Variants in NR3C1 observed in about 807,000 individuals in gnomAD.
NR3C1 encodes the protein glucocorticoid receptor.
A neutral mutation model predicts 74.0 loss-of-function variants in NR3C1; 14 were observed. That is an observed-to-expected ratio of 0.19 (90% CI 0.12 to 0.30). NR3C1 has a LOEUF of 0.30. NR3C1 is among the 10% of genes least tolerant of loss of function. The pLI is 1.00. For synonymous variants in NR3C1, 308 were observed against 332.5 expected (o/e 0.93, Z 0.80); for missense variants, 695 against 909.8 (o/e 0.76, Z 3.04).
chr5:143,306,337 C>A (rs538532974), intron 4 of NR3C1, among the ~76,000 whole-genome samples: 1 of 150,954 alleles, frequency 6.6e-6, no homozygotes, highest in South Asian at 2.1e-4. Context: ...CTCTGATGAA[C>A]AAGAGAATAT....
chr5:143,394,410 G>C (rs1465750689), intron 2 of NR3C1, among the ~76,000 whole-genome samples: 1 of 151,856 alleles, frequency 6.6e-6, no homozygotes, highest in East Asian at 1.9e-4. Flanking sequence ...CAATATTCCA[G>C]CAGAAAAATA....
chr5:143,387,051 G>C (rs1473749691), intron 2 of NR3C1, among the ~76,000 whole-genome samples: 1 of 152,212 alleles, frequency 6.6e-6, no homozygotes, highest in African/African-American at 2.4e-5. Context: ...GAAGGGAGAG[G>C]AGAAAACTAG....
intron 2 of NR3C1, among the ~76,000 whole-genome samples, chr5:143,359,387 A>G (rs983428068): frequency 6.6e-6 from 1 of 152,206 alleles, no homozygotes; most frequent in Non-Finnish European, 1.5e-5. Flanking sequence ...AGTGCCTACA[A>G]TGAGTCTCTA....
At chr5:143,333,986 T>C (rs568707287) in intron 2 of NR3C1, among the ~76,000 whole-genome samples, 7 of 152,356 alleles carry the variant, frequency 4.6e-5, no homozygotes, top group Admixed American at 4.6e-4. Flanking sequence ...ATCAGTGAAG[T>C]GGAAGCATGC....
intron 2 of NR3C1, among the ~76,000 whole-genome samples, chr5:143,384,382 C>T (rs1836799251): frequency 6.6e-6 from 1 of 152,162 alleles, no homozygotes; most frequent in Admixed American, 6.6e-5. Context: ...TCAATAGTCC[C>T]CGGAAGTCTT....
At chr5:143,325,335 T>A (rs974195382) in intron 2 of NR3C1, among the ~76,000 whole-genome samples, 3 of 152,142 alleles carry the variant, frequency 2.0e-5, no homozygotes, top group Non-Finnish European at 4.4e-5. Context: ...ACCCATCAGA[T>A]CATGTGAGAC....
intron 2 of NR3C1, among the ~76,000 whole-genome samples, chr5:143,329,217 G>C (rs572760980): frequency 6.6e-6 from 1 of 152,212 alleles, no homozygotes; most frequent in Non-Finnish European, 1.5e-5. Context: ...GGTGGCAGGA[G>C]AGAGAGAAAG....
intron 1 of NR3C1, chr5:143,401,138 A>T (rs2151942926): frequency 4.6e-6 from 2 of 430,432 alleles, no homozygotes; most frequent in East Asian, 9.3e-5. Flanking sequence ...CGCTCACTGA[A>T]CGTGTAGCTT....
At chr5:143,286,033 A>G (rs1010400399) in intron 7 of NR3C1, among the ~76,000 whole-genome samples, 1 of 151,892 alleles carries the variant, frequency 6.6e-6, no homozygotes, top group Admixed American at 6.6e-5. Context: ...AGGGAATAAC[A>G]CTAGAGATAC....
chr5:143,415,919 G>C (rs1271168844), intron 1 of NR3C1, among the ~76,000 whole-genome samples: 1 of 152,190 alleles, frequency 6.6e-6, no homozygotes. Flanking sequence ...TAGAGCAGTA[G>C]TCATGGATGG....
intron 4 of NR3C1, among the ~76,000 whole-genome samples, chr5:143,301,856 G>C (rs1235992057): frequency 1.3e-5 from 2 of 152,038 alleles, no homozygotes; most frequent in African/African-American, 4.8e-5. Context: ...GGACAGATAT[G>C]GTGGTGGGAA....
chr5:143,295,349 A>T (rs1816951556), intron 7 of NR3C1, 111 bp downstream of exon 7: 5 of 1,469,316 alleles, frequency 3.4e-6, no homozygotes, highest in Non-Finnish European at 4.5e-6. Context: ...ACTAGTAGGA[A>T]ATAATAGTAG....
At chr5:143,310,685 GCT>G (rs1187803255) in intron 3 of NR3C1, among the ~76,000 whole-genome samples, 1 of 151,888 alleles carries the variant, frequency 6.6e-6, no homozygotes, top group Non-Finnish European at 1.5e-5. Flanking sequence ...ATGGAGTCTC[GCT>G]CTGTCGCCCA....
chr5:143,291,702 T>C (rs909068478), intron 7 of NR3C1, among the ~76,000 whole-genome samples: 2 of 152,236 alleles, frequency 1.3e-5, no homozygotes, highest in African/African-American at 4.8e-5. Context: ...GGAATTTCCT[T>C]TGACCTATCT....
rs569047125 is a variant in NR3C1 at position 143,374,612 on chromosome 5, C to T, written c.1184+25044G>A. On this transcript the variant is annotated intron_variant, in intron 2 of 8. Transcript: ENST00000394464. ...CTGCCACTATACTTTTAAATGGGGG[C>T]GAGGGCAGGGAGGAGAGACAGTATA... Among the ~76,000 whole-genome samples the T allele has an allele frequency of 3.3e-5, 5 of 151,628 alleles. No individual in the cohort carries two copies. The South Asian group carries it at 6.3e-4, about 19-fold the overall frequency.
At chr5:143,315,289 T>G (rs995802304) in intron 2 of NR3C1, among the ~76,000 whole-genome samples, 1 of 152,198 alleles carries the variant, frequency 6.6e-6, no homozygotes, top group Non-Finnish European at 1.5e-5. Flanking sequence ...TCCTCTTACG[T>G]GCTGACTTTA....
chr5:143,358,135 C>G (rs532819973), intron 2 of NR3C1, among the ~76,000 whole-genome samples: 4 of 152,108 alleles, frequency 2.6e-5, no homozygotes, highest in African/African-American at 9.7e-5. Flanking sequence ...ATTTCTCTTC[C>G]CATCCTCTCT....
chr5:143,295,729 T>C lies in NR3C1; in HGVS notation c.1893-139A>G, dbSNP rs903689382. ...CAATAATATTATTGCTAATTCCCTA[T>C]AAAATCAGAATTTTGGAGAACTTTC... On this transcript the variant is annotated intron_variant, in intron 6 of 8. Coordinates refer to ENST00000394464, the MANE Select transcript of NR3C1 (RefSeq NM_000176.3). 16 of 708,576 alleles carry C rather than the reference T, an allele frequency of 2.3e-5. No homozygotes were observed. In the African/African-American group the frequency reaches 2.7e-4, roughly 12 times the overall value. 43.9% of individuals were successfully genotyped at this position (708,576 alleles called of 1,614,324 possible).
chr5:143,404,257 G>A (rs1840893186), upstream of NR3C1: 1 of 985,484 alleles, frequency 1.0e-6, no homozygotes, highest in Non-Finnish European at 1.2e-6. Flanking sequence ...AAGGGGCTAC[G>A]GGGTTGCACG....
Sources: gnomAD v4.1 joint callset for allele counts (sites outside exome capture counted in the v4.1 genomes callset) on GRCh38, gnomAD v4.1.1 for gene constraint, MANE v1.5 for transcripts, NCBI Gene and HGNC (gene_info 2026-07-23, HGNC 2026-07-21) for gene names.